Variants in RBFOX2 observed in about 807,000 individuals in gnomAD.
RBFOX2 encodes the protein RNA binding protein fox-1 homolog 2.
A neutral mutation model predicts 49.1 loss-of-function variants in RBFOX2; 10 were observed. The ratio of observed to expected loss-of-function variants is 0.20; its 90% CI spans 0.13 to 0.35. The LOEUF (loss-of-function observed/expected upper bound fraction) is 0.35, where lower values mean the gene tolerates loss of function less well. Among genes scored for constraint, RBFOX2 ranks in the 10% least tolerant of loss-of-function variants. The probability of loss-of-function intolerance (pLI) is 1.00; values close to 1 mark genes in which losing one functional copy is unlikely to be tolerated. For missense variants in RBFOX2, 323 were observed against 486.9 expected (o/e 0.66, Z 3.17); for synonymous variants, 183 against 187.4 (o/e 0.98, Z 0.19).
chr22:36,005,967 C>T (rs1182541506), intron 1 of RBFOX2, among the ~76,000 whole-genome samples: 1 of 152,092 alleles, frequency 6.6e-6, no homozygotes, highest in Non-Finnish European at 1.5e-5. Context: ...AGCATCTGAC[C>T]AGGTTTAGTT....
intron 1 of RBFOX2, among the ~76,000 whole-genome samples, chr22:35,821,480 C>A (rs984173153): frequency 6.6e-6 from 1 of 151,808 alleles, no homozygotes; most frequent in Non-Finnish European, 1.5e-5. Flanking sequence ...CCTGCAATCC[C>A]AGCTACTTGG....
chr22:35,897,456 GT>G, intron 1 of RBFOX2: 1 of 837,830 alleles, frequency 1.2e-6, no homozygotes, highest in South Asian at 1.3e-5. Flanking sequence ...ATCCCTTGTT[GT>G]CCAGGACTCA....
At chr22:35,767,485 C>T (rs1941353738) in intron 5 of RBFOX2, among the ~76,000 whole-genome samples, 1 of 152,044 alleles carries the variant, frequency 6.6e-6, no homozygotes, top group Non-Finnish European at 1.5e-5. Context: ...AATATGCAGA[C>T]ATCTTACTCA....
chr22:35,853,565 T>C (rs938690866), intron 1 of RBFOX2, among the ~76,000 whole-genome samples: 3 of 152,168 alleles, frequency 2.0e-5, no homozygotes, highest in African/African-American at 7.2e-5. Flanking sequence ...ATACGTAATG[T>C]ATTGGTTGAC....
intron 1 of RBFOX2, among the ~76,000 whole-genome samples, chr22:36,014,312 C>T (rs1361164401): frequency 1.3e-5 from 2 of 151,900 alleles, no homozygotes; most frequent in African/African-American, 4.8e-5. Flanking sequence ...TTAGTAGAGA[C>T]GGGGTTTCAC....
chr22:35,964,625 C>T (rs1378533100), upstream of RBFOX2, among the ~76,000 whole-genome samples: 1 of 152,136 alleles, frequency 6.6e-6, no homozygotes, highest in Non-Finnish European at 1.5e-5. Context: ...ATCCACAAAC[C>T]CTAATGCAGT....
intron 1 of RBFOX2, among the ~76,000 whole-genome samples, chr22:35,959,979 T>C (rs1547418): frequency 0.1 from 15,544 of 152,284 alleles, 1,087 homozygotes; most frequent in Non-Finnish European, 0.15. Context: ...TACGTAGTTA[T>C]TTAGTATTTT....
At chr22:35,858,263 G>A (rs189309772) in intron 1 of RBFOX2, among the ~76,000 whole-genome samples, 29 of 152,228 alleles carry the variant, frequency 1.9e-4, no homozygotes, top group African/African-American at 6.7e-4. Flanking sequence ...CTATCAAGGA[G>A]AATTTTTACT....
At chr22:35,980,642 T>TGGGGGGGGGGGGGGGGGG (rs1556508576) in intron 1 of RBFOX2, among the ~76,000 whole-genome samples, 1 of 28,574 alleles carries the variant, frequency 3.5e-5, no homozygotes, top group Admixed American at 3.6e-4. Flanking sequence ...GGGGCGGGGG[T>TGGGGGGGGGGGGGGGGGG]GGGGGGTGCT....
At chr22:35,808,127 AC>A (rs764301584) in intron 2 of RBFOX2, among the ~76,000 whole-genome samples, 4 of 152,142 alleles carry the variant, frequency 2.6e-5, no homozygotes, top group Non-Finnish European at 5.9e-5. Context: ...CTTCTTTTTC[AC>A]TTCTTTAATT....
At chr22:35,968,485 G>T (rs2149996541) in intron 1 of RBFOX2, among the ~76,000 whole-genome samples, 1 of 76,266 alleles carries the variant, frequency 1.3e-5, no homozygotes, top group Non-Finnish European at 2.6e-5. Flanking sequence ...CTGAAATAAA[G>T]CAAGACTCTG....
At chr22:35,952,982 C>T (rs1376274687) in intron 1 of RBFOX2, among the ~76,000 whole-genome samples, 4 of 151,962 alleles carry the variant, frequency 2.6e-5, no homozygotes, top group East Asian at 1.9e-4. Context: ...GAGGCTGTGG[C>T]GGGCGGATCA....
At position 35,850,009 on chromosome 22, in the gene RBFOX2, G is replaced by T. The variant is rs564854328; in HGVS notation, c.-33-40005C>A. ...GCTCCTCACACTGGCACACAAACACGGTAGGAAGTCTAAGGTATCCAGGAG... is the reference window on the plus strand; with the variant it reads ...GCTCCTCACACTGGCACACAAACACTGTAGGAAGTCTAAGGTATCCAGGAG... On this transcript the variant is annotated intron_variant, in intron 1 of 13. Coordinates refer to the RBFOX2 transcript ENST00000359369. Among the ~76,000 whole-genome samples, 3 of 152,106 alleles carry T rather than the reference G, an allele frequency of 2.0e-5. No individual in the cohort carries two copies. In the East Asian group the frequency reaches 5.8e-4, roughly 29 times the overall value.
At chr22:35,779,154 G>GT (rs1944581444) in intron 3 of RBFOX2, among the ~76,000 whole-genome samples, 1 of 151,998 alleles carries the variant, frequency 6.6e-6, no homozygotes, top group African/African-American at 2.4e-5. Flanking sequence ...CTGACTAGAG[G>GT]GTTACACAAA....
chr22:35,750,357 G>A, intron 9 of RBFOX2: 1 of 1,201,154 alleles, frequency 8.3e-7, no homozygotes, highest in Non-Finnish European at 1.2e-6. Flanking sequence ...ACCATGCACT[G>A]ATGCAAAACT....
At chr22:35,928,876 C>A (rs528791386) in intron 1 of RBFOX2, among the ~76,000 whole-genome samples, 6 of 152,196 alleles carry the variant, frequency 3.9e-5, no homozygotes, top group African/African-American at 1.4e-4. Flanking sequence ...GCAAATTAAA[C>A]CACAATGAGC....
intron 5 of RBFOX2, among the ~76,000 whole-genome samples, chr22:35,767,969 G>T (rs946487554): frequency 6.6e-6 from 1 of 152,012 alleles, no homozygotes; most frequent in African/African-American, 2.4e-5. Flanking sequence ...AGAGCAGAAA[G>T]ATCAACATTT....
intron 6 of RBFOX2, 136 bp from the exon 8 acceptor site, chr22:35,761,604 G>C (rs1280501043): frequency 6.0e-6 from 5 of 837,824 alleles, no homozygotes; most frequent in Non-Finnish European, 9.9e-6. Context: ...TTCCAGCTTG[G>C]GGTTTATATG....
intron 2 of RBFOX2, among the ~76,000 whole-genome samples, chr22:35,809,260 T>C (rs984117543): frequency 1.3e-5 from 2 of 152,122 alleles, no homozygotes; most frequent in African/African-American, 4.8e-5. Context: ...TGGTCCAAGG[T>C]CACACAGTTT....
Sources: gnomAD v4.1 joint callset for allele counts (sites outside exome capture counted in the v4.1 genomes callset) on GRCh38, gnomAD v4.1.1 for gene constraint, MANE v1.5 for transcripts, NCBI Gene and HGNC (gene_info 2026-07-23, HGNC 2026-07-21) for gene names.